The following FAT3 variants were observed in gnomAD, a reference collection of about 807,000 sequenced individuals.
The protein encoded by FAT3 is protocadherin Fat 3.
FAT3 carries 95 observed loss-of-function variants against 310.2 expected under a neutral mutation model. The ratio of observed to expected loss-of-function variants is 0.31; its 90% confidence interval spans 0.26 to 0.36. FAT3 has a LOEUF of 0.36. Among genes scored for constraint, FAT3 ranks in the 10% least tolerant of loss-of-function variants. The pLI, the probability that FAT3 is intolerant of heterozygous loss-of-function variation, is 1.00. For synonymous variants in FAT3, 2,314 were observed against 2,192.9 expected (o/e 1.06, Z -1.54); for missense variants, 5,408 against 5,715.6 (o/e 0.95, Z 1.74).
At chr11:92,740,607 A>G (rs1331117915) in intron 4 of FAT3, among the ~76,000 whole-genome samples, 3 of 152,208 alleles carry the variant, frequency 2.0e-5, no homozygotes, top group Admixed American at 6.5e-5. Context: ...TTAGGAGAGT[A>G]TTATTCATTC....
chr11:92,617,843 A>T (rs1315772550), intron 3 of FAT3, among the ~76,000 whole-genome samples: 2 of 152,140 alleles, frequency 1.3e-5, no homozygotes, highest in Non-Finnish European at 2.9e-5. Context: ...CTTCCTCTGG[A>T]TGCTTCATCT....
intron 13 of FAT3, among the ~76,000 whole-genome samples, chr11:92,826,872 G>T (rs1474130388): frequency 1.3e-5 from 2 of 152,166 alleles, no homozygotes; most frequent in Non-Finnish European, 2.9e-5. Context: ...CAGGGCAGCT[G>T]CCAGCACAAG....
At chr11:92,374,262 A>G (rs1223958946) in intron 2 of FAT3, among the ~76,000 whole-genome samples, 1 of 152,212 alleles carries the variant, frequency 6.6e-6, no homozygotes, top group Non-Finnish European at 1.5e-5. Flanking sequence ...GTTAGCACCT[A>G]AAATTAAGCA....
At chr11:92,784,187 C>T (rs1226157830) in intron 7 of FAT3, among the ~76,000 whole-genome samples, 5 of 152,000 alleles carry the variant, frequency 3.3e-5, no homozygotes, top group African/African-American at 1.2e-4. Context: ...CACTGGTAAA[C>T]CAGAAATAAT....
chr11:92,549,896 A>G lies in FAT3; in HGVS notation c.3607+24948A>G, dbSNP rs184245357. Among the ~76,000 whole-genome samples the G allele has an allele frequency of 5.3e-5, 8 of 152,258 alleles. No homozygotes were observed. The East Asian group carries it at 1.2e-3, about 22-fold the overall frequency. On this transcript the variant is annotated intron_variant, in intron 3 of 27. Coordinates refer to ENST00000525166, the MANE Select transcript of FAT3 (RefSeq NM_001367949.2). Reference sequence around the variant, plus strand: ...AGGAACGCTTTACATATATACTCTCATTTCATTTCATTCCAATAAGCCAGA... The same window carrying G: ...AGGAACGCTTTACATATATACTCTCGTTTCATTTCATTCCAATAAGCCAGA...
At chr11:92,512,850 C>G (rs1277821175) in intron 2 of FAT3, among the ~76,000 whole-genome samples, 3 of 63,856 alleles carry the variant, frequency 4.7e-5, no homozygotes, top group Admixed American at 3.2e-4. Context: ...CGGCCGGGCG[C>G]GGTGGCTCAC....
chr11:92,430,509 G>A (rs1950741375), intron 2 of FAT3, among the ~76,000 whole-genome samples: 1 of 151,736 alleles, frequency 6.6e-6, no homozygotes, highest in Admixed American at 6.6e-5. Flanking sequence ...CCTTTGGATG[G>A]GGTTTTTTTT....
At chr11:92,298,708 C>T (rs1946914833) in intron 1 of FAT3, among the ~76,000 whole-genome samples, 1 of 151,864 alleles carries the variant, frequency 6.6e-6, no homozygotes, top group African/African-American at 2.4e-5. Context: ...AATTTTTTTT[C>T]CTCCAGGCCA....
At chr11:92,226,476 C>T (rs914161615) in intron 1 of FAT3, among the ~76,000 whole-genome samples, 2 of 151,858 alleles carry the variant, frequency 1.3e-5, no homozygotes, top group South Asian at 2.1e-4. Flanking sequence ...CTAAGAGAGC[C>T]GCTTGGGTTG....
At chr11:92,763,002 A>AC (rs1946198289) in intron 5 of FAT3, among the ~76,000 whole-genome samples, 2 of 152,052 alleles carry the variant, frequency 1.3e-5, no homozygotes, top group African/African-American at 4.8e-5. Flanking sequence ...TACCAAAAAT[A>AC]TAAAAAATTA....
chr11:92,867,432 G>A (rs1949278318), intron 22 of FAT3, among the ~76,000 whole-genome samples: 1 of 152,192 alleles, frequency 6.6e-6, no homozygotes, highest in African/African-American at 2.4e-5. Flanking sequence ...CATAGGTGCA[G>A]TGCAGTGGCA....
chr11:92,773,666 G>A (rs1946518655), intron 6 of FAT3, among the ~76,000 whole-genome samples: 1 of 151,948 alleles, frequency 6.6e-6, no homozygotes, highest in Admixed American at 6.6e-5. Context: ...TATTTACTTG[G>A]AATTTAATCT....
rs559703990 is a variant in FAT3 at position 92,491,704 on chromosome 11, A to G, written c.3293-32930A>G. On this transcript the variant is annotated intron_variant, in intron 2 of 27. Transcript: ENST00000525166. Reference sequence around the variant, plus strand: ...CTTTTCTCCAACAGTAATTCACATTAAGAGTAGAATTGTAAATTCGTTTTG... The same window carrying G: ...CTTTTCTCCAACAGTAATTCACATTGAGAGTAGAATTGTAAATTCGTTTTG... Among the ~76,000 whole-genome samples the G allele has an allele frequency of 3.3e-5, 5 of 152,234 alleles. No homozygotes were observed. The South Asian group carries it at 1.0e-3, about 32-fold the overall frequency.
chr11:92,625,530 T>C (rs1941289262), intron 3 of FAT3, among the ~76,000 whole-genome samples: 1 of 152,220 alleles, frequency 6.6e-6, no homozygotes, highest in Non-Finnish European at 1.5e-5. Context: ...TACTGTCAGC[T>C]GGAGCACCCA....
chr11:92,679,815 C>CT (rs1254871381), intron 3 of FAT3, among the ~76,000 whole-genome samples: 4 of 124,264 alleles, frequency 3.2e-5, no homozygotes, highest in Admixed American at 1.0e-4. Flanking sequence ...ACACTCCAGC[C>CT]TGGGCGACAG....
rs773224564 is a variant in FAT3 at position 92,806,352 on chromosome 11, C to T, written c.9094-10C>T. 1.3e-5 allele frequency: 21 copies of T among 1,594,140 alleles called. No individual in the cohort carries two copies. Among genetic ancestry groups the T allele is most frequent in the Non-Finnish European group, 1.8e-5 (21 of 1,169,552 alleles). On this transcript the variant is annotated splice_polypyrimidine_tract_variant and intron_variant, in intron 11 of 27. Transcript: ENST00000525166. ...TAATGATTTTATTACCTTTCTTCAC[C>T]TTTGTCCAGGTTGCATATACAGCAT... is the stretch of plus-strand genomic sequence containing the variant.
chr11:92,431,945 T>G (rs1950791367), intron 2 of FAT3, among the ~76,000 whole-genome samples: 1 of 152,230 alleles, frequency 6.6e-6, no homozygotes. Context: ...TGCCTCCAGC[T>G]TTGTTCTTTT....
Position 92,844,108 on chromosome 11 carries a change from T to C in FAT3, c.10741T>C (p.Tyr3581His). 1 of 1,613,998 alleles carries C rather than the reference T, an allele frequency of 6.2e-7. No individual in the cohort carries two copies. The highest frequency in any genetic ancestry group is 1.3e-5 in the African/African-American group (1 of 75,034). ...GATTCATGCCACAGATCAAGACATG[T>C]ATGATGTGCTCACATTTGCCCTGAA... ...GKIHATDQDM[Y>H]DVLTFALKSE... The change falls in exon 19 of 28, where the codon TAT (tyrosine) becomes CAT (histidine). Residue 3581 changes from tyrosine (Y) to histidine (H), a missense_variant. By Grantham distance (83) the Tyr-to-His change is moderately conservative. Around this residue, in one of 5 missense-constraint regions of FAT3, gnomAD observed 4,588 missense variants for 4,809.8 expected, o/e 0.95. Transcript: ENST00000525166.
intron 3 of FAT3, among the ~76,000 whole-genome samples, chr11:92,681,928 A>C (rs541641673): frequency 1.7e-4 from 26 of 152,342 alleles, no homozygotes; most frequent in African/African-American, 5.1e-4. Context: ...CAGTGAATGA[A>C]AGAATGAGAC....
Sources: gnomAD v4.1 joint callset for allele counts (sites outside exome capture counted in the v4.1 genomes callset) on GRCh38, gnomAD v4.1.1 for gene constraint, gnomAD v4.1.1 regional missense constraint, MANE v1.5 for transcripts, NCBI Gene and HGNC (gene_info 2026-07-23, HGNC 2026-07-21) for gene names.